CAMTA1: variants seen among roughly 807,000 people sequenced by gnomAD.
CAMTA1 encodes the protein calmodulin-binding transcription activator 1.
Under a neutral mutation model 170.9 loss-of-function variants are expected in CAMTA1, and 27 were observed. The ratio of observed to expected loss-of-function variants is 0.16; its 90% confidence interval spans 0.12 to 0.22. The LOEUF is 0.22. CAMTA1 is among the 10% of genes least tolerant of loss of function. CAMTA1 has a pLI of 1.00. For missense variants in CAMTA1, 1,619 were observed against 2,217.2 expected (o/e 0.73, Z 5.42); for synonymous variants, 833 against 891.5 (o/e 0.93, Z 1.17).
At chr1:7,498,483 ATG>A (rs1220333904) in intron 6 of CAMTA1, among the ~76,000 whole-genome samples, 5 of 147,384 alleles carry the variant, frequency 3.4e-5, no homozygotes, top group Non-Finnish European at 3.0e-5. Flanking sequence ...ATGTGTGAGC[ATG>A]TATGAGAGTG....
At chr1:7,626,869 C>T (rs992854212) in intron 6 of CAMTA1, among the ~76,000 whole-genome samples, 5 of 152,154 alleles carry the variant, frequency 3.3e-5, no homozygotes, top group Admixed American at 2.0e-4. Flanking sequence ...TTAGGAGACC[C>T]CTGACTTGCA....
intron 5 of CAMTA1, among the ~76,000 whole-genome samples, chr1:7,439,206 C>T (rs1247321745): frequency 6.6e-6 from 1 of 152,186 alleles, no homozygotes; most frequent in Admixed American, 6.5e-5. Flanking sequence ...ACAGGTGGGA[C>T]AGGCTCCCCA....
chr1:7,078,740 A>G (rs1055175297), intron 3 of CAMTA1, among the ~76,000 whole-genome samples: 1 of 152,240 alleles, frequency 6.6e-6, no homozygotes, highest in Non-Finnish European at 1.5e-5. Context: ...TCAGAGTAGG[A>G]CTGTGGTTGC....
At chr1:6,899,843 TC>T (rs1014475475) in intron 3 of CAMTA1, among the ~76,000 whole-genome samples, 4 of 152,258 alleles carry the variant, frequency 2.6e-5, no homozygotes, top group Admixed American at 2.0e-4. Flanking sequence ...TTGATCTGTT[TC>T]CTTGTTTCTG....
intron 3 of CAMTA1, among the ~76,000 whole-genome samples, chr1:6,988,485 A>G (rs1695734823): frequency 6.6e-6 from 1 of 152,210 alleles, no homozygotes; most frequent in African/African-American, 2.4e-5. Flanking sequence ...GGTAGTGGAT[A>G]CACAGATGGA....
At chr1:7,085,504 C>G (rs1236676167) in intron 3 of CAMTA1, among the ~76,000 whole-genome samples, 1 of 152,230 alleles carries the variant, frequency 6.6e-6, no homozygotes, top group Non-Finnish European at 1.5e-5. Flanking sequence ...AGAACCACCA[C>G]CCACATAGAG....
intron 4 of CAMTA1, among the ~76,000 whole-genome samples, chr1:7,160,475 T>G (rs540333909): frequency 2.0e-4 from 30 of 152,018 alleles, no homozygotes; most frequent in Admixed American, 3.9e-4. Flanking sequence ...AGCCCCGTTT[T>G]TTTTTCTTGA....
chr1:7,209,897 C>T (rs1049037332), intron 4 of CAMTA1, among the ~76,000 whole-genome samples: 4 of 152,190 alleles, frequency 2.6e-5, no homozygotes, highest in African/African-American at 7.2e-5. Context: ...ATGCCCTTCA[C>T]GCAGATTCCC....
intron 1 of CAMTA1, among the ~76,000 whole-genome samples, chr1:6,787,678 G>T (rs1173164342): frequency 2.0e-5 from 3 of 152,182 alleles, no homozygotes; most frequent in Non-Finnish European, 1.5e-5. Context: ...GGCCAATTCT[G>T]ACTATTCTTT....
intron 5 of CAMTA1, among the ~76,000 whole-genome samples, chr1:7,433,759 G>A (rs1474165342): frequency 6.6e-6 from 1 of 152,224 alleles, no homozygotes; most frequent in Non-Finnish European, 1.5e-5. Context: ...TGGGCTGGGA[G>A]GGAAGTGGGT....
chr1:7,484,527 C>T (rs1430617766), intron 6 of CAMTA1, among the ~76,000 whole-genome samples: 2 of 152,180 alleles, frequency 1.3e-5, no homozygotes, highest in Admixed American at 6.5e-5. Context: ...CGGTGGCTCA[C>T]GCCTGTAATC....
chr1:6,908,090 A>G (rs991519150), intron 3 of CAMTA1, among the ~76,000 whole-genome samples: 3 of 152,144 alleles, frequency 2.0e-5, no homozygotes, highest in African/African-American at 7.2e-5. Context: ...GGACCCCCAG[A>G]CAGTGCCCAC....
chr1:6,947,991 T>C (rs752527167), intron 3 of CAMTA1, among the ~76,000 whole-genome samples: 3 of 152,234 alleles, frequency 2.0e-5, no homozygotes, highest in Non-Finnish European at 4.4e-5. Context: ...ACTTTTTCCT[T>C]TCCAATATGG....
rs531560910 is a variant in CAMTA1 at position 7,003,994 on chromosome 1, G to C, written c.235-87310G>C. Among the ~76,000 whole-genome samples, 5 of 152,310 alleles carry C rather than the reference G, an allele frequency of 3.3e-5. No homozygotes were observed. The South Asian group carries it at 1.0e-3, about 32-fold the overall frequency. ...CGAAGGTGTAATTCCACTTTAAACT[G>C]TAAGCTGTTCTGAGATGATTTCAGC... On this transcript the variant is annotated intron_variant, in intron 3 of 22. Transcript: ENST00000303635.
intron 9 of CAMTA1, among the ~76,000 whole-genome samples, chr1:7,666,731 T>G (rs1026134000): frequency 3.3e-5 from 5 of 152,254 alleles, no homozygotes; most frequent in Non-Finnish European, 7.4e-5. Flanking sequence ...CTCACCCTTC[T>G]TCCCCGCTGG....
chr1:7,327,421 A>AG (rs1419596629), intron 5 of CAMTA1, among the ~76,000 whole-genome samples: 44 of 151,658 alleles, frequency 2.9e-4, no homozygotes, highest in Admixed American at 6.6e-4. Context: ...AAAAAAAAAA[A>AG]AAAAGAAAAA....
At chr1:7,284,098 T>C (rs1461083549) in intron 5 of CAMTA1, among the ~76,000 whole-genome samples, 2 of 152,048 alleles carry the variant, frequency 1.3e-5, no homozygotes, top group Non-Finnish European at 2.9e-5. Flanking sequence ...CCCTGCCACA[T>C]AGAAATGCTG....
intron 1 of CAMTA1, among the ~76,000 whole-genome samples, chr1:6,799,070 T>C (rs1308310686): frequency 6.6e-6 from 1 of 152,116 alleles, no homozygotes; most frequent in African/African-American, 2.4e-5. Flanking sequence ...TCGTTACTTA[T>C]TATTAATTAA....
At chr1:7,566,301 G>C (rs770988027) in intron 6 of CAMTA1, among the ~76,000 whole-genome samples, 3 of 152,200 alleles carry the variant, frequency 2.0e-5, no homozygotes, top group Non-Finnish European at 2.9e-5. Flanking sequence ...CCTGTCTCTG[G>C]AGGATGTTGG....
Sources: gnomAD v4.1 joint callset for allele counts (sites outside exome capture counted in the v4.1 genomes callset) on GRCh38, gnomAD v4.1.1 for gene constraint, MANE v1.5 for transcripts, NCBI Gene and HGNC (gene_info 2026-07-23, HGNC 2026-07-21) for gene names.